Variants in PDE4D observed in about 807,000 individuals in gnomAD.
PDE4D encodes the protein phosphodiesterase 4D.
In PDE4D, 24 loss-of-function variants were observed where a neutral mutation model predicts 87.4. The ratio of observed to expected loss-of-function variants is 0.27; its 90% CI spans 0.20 to 0.39. PDE4D has a LOEUF of 0.39. PDE4D is among the 10% of genes least tolerant of loss of function. The pLI, the probability that PDE4D is intolerant of heterozygous loss-of-function variation, is 1.00. For synonymous variants in PDE4D, 384 were observed against 383.2 expected (o/e 1.00, Z -0.02); for missense variants, 714 against 1,041.0 (o/e 0.69, Z 4.32).
chr5:59,878,611 C>A (rs1288471537), intron 1 of PDE4D, among the ~76,000 whole-genome samples: 2 of 152,004 alleles, frequency 1.3e-5, no homozygotes, highest in Non-Finnish European at 2.9e-5. Flanking sequence ...CCATGCCTGG[C>A]CATGGATTCA....
At chr5:59,026,258 T>C (rs1414686748) in intron 6 of PDE4D, among the ~76,000 whole-genome samples, 1 of 152,202 alleles carries the variant, frequency 6.6e-6, no homozygotes, top group African/African-American at 2.4e-5. Flanking sequence ...TATACTATGA[T>C]AAAATTTCTG....
In PDE4D at chr5:60,061,982, A is replaced by G. The variant is rs138703569; in HGVS notation, c.43-73265T>C. Among the ~76,000 whole-genome samples, 5 of 152,304 alleles carry G rather than the reference A, an allele frequency of 3.3e-5. No individual in the cohort carries two copies. In the East Asian group the frequency reaches 9.7e-4, roughly 29 times the overall value. On this transcript the variant is annotated intron_variant, in intron 2 of 16. Transcript: ENST00000502484. ...AAAACCCTGGAAGAAAACCTAGGCA[A>G]TCCCATTCACGACATAGGCATGGGC...
chr5:60,361,863 T>G (rs1159798349), intron 1 of PDE4D, among the ~76,000 whole-genome samples: 1 of 152,134 alleles, frequency 6.6e-6, no homozygotes, highest in Non-Finnish European at 1.5e-5. Flanking sequence ...CACATCTTAG[T>G]CCACAGTAAT....
At chr5:59,641,285 T>A (rs1001929201) in intron 1 of PDE4D, among the ~76,000 whole-genome samples, 4 of 152,194 alleles carry the variant, frequency 2.6e-5, no homozygotes, top group Admixed American at 6.5e-5. Flanking sequence ...TAAAATAAAC[T>A]GCACATATTT....
At chr5:59,376,509 A>G (rs370823879) in intron 1 of PDE4D, among the ~76,000 whole-genome samples, 2 of 152,196 alleles carry the variant, frequency 1.3e-5, no homozygotes, top group Non-Finnish European at 2.9e-5. Flanking sequence ...GGAGAACTAC[A>G]TAACACTGCT....
chr5:60,144,408 G>A (rs899629584), intron 2 of PDE4D, among the ~76,000 whole-genome samples: 4 of 152,244 alleles, frequency 2.6e-5, no homozygotes, highest in African/African-American at 4.8e-5. Context: ...CATCGATAAA[G>A]AGAAAACTGC....
chr5:60,465,015 G>A lies in PDE4D; in HGVS notation c.-90+22927C>T, dbSNP rs150151300. ...TCCCAGCTATTTGGGAGGCTGAGGC[G>A]GGAGGATTGTTTGAACTCAGGAGTT... On this transcript the variant is annotated intron_variant, in intron 1 of 16. Transcript: ENST00000502484. Among the ~76,000 whole-genome samples, 231 of 151,962 alleles carry A rather than the reference G, an allele frequency of 1.5e-3. 1 individual carries two copies. Among genetic ancestry groups the A allele is most frequent in the African/African-American group, 3.6e-3 (151 of 41,428 alleles).
intron 1 of PDE4D, among the ~76,000 whole-genome samples, chr5:59,291,739 T>TG (rs1554123212): frequency 2.4e-5 from 1 of 42,202 alleles, no homozygotes; most frequent in Non-Finnish European, 4.1e-5. Context: ...TAAAAAGAAG[T>TG]TTTTTTTTTT....
intron 1 of PDE4D, among the ~76,000 whole-genome samples, chr5:59,464,264 A>T (rs1299629666): frequency 6.6e-6 from 1 of 152,168 alleles, no homozygotes; most frequent in Non-Finnish European, 1.5e-5. Flanking sequence ...TGCAGTTGAG[A>T]CAAGAGGAAG....
At chr5:60,431,879 C>T (rs554118830) in intron 1 of PDE4D, among the ~76,000 whole-genome samples, 34 of 152,310 alleles carry the variant, frequency 2.2e-4, no homozygotes, top group African/African-American at 7.7e-4. Flanking sequence ...GAGACCAGCC[C>T]GGCCAACACA....
intron 3 of PDE4D, among the ~76,000 whole-genome samples, chr5:59,976,238 T>C (rs1027801422): frequency 1.3e-5 from 2 of 152,218 alleles, no homozygotes; most frequent in Non-Finnish European, 2.9e-5. Context: ...TTGTAATATG[T>C]GTATAAATAC....
In PDE4D at chr5:58,970,869, A is replaced by G. The variant is rs1309196236; in HGVS notation, c.*3795T>C. ...AAAAAGAAAAAGATTGTTTATAATC[A>G]CTGGGAAAGAATATATTTCCCCAGT... is the stretch of plus-strand genomic sequence containing the variant. On this transcript the variant is annotated 3_prime_UTR_variant, in exon 15 of 15. Coordinates refer to ENST00000340635, the MANE Select transcript of PDE4D (RefSeq NM_001104631.2). 6.6e-6 allele frequency: 1 copy of G among 151,756 alleles called. No individual in the cohort carries two copies. The highest frequency in any genetic ancestry group is 2.4e-5 in the African/African-American group (1 of 41,254). The allele number at this position is 151,756 out of a possible 1,614,324, so 9.4% of individuals were successfully genotyped here. A position where few individuals can be genotyped will look rare whatever the true frequency, so the allele number is the denominator to read the frequency against.
chr5:59,293,167 G>A (rs1768379085), intron 1 of PDE4D, among the ~76,000 whole-genome samples: 1 of 152,146 alleles, frequency 6.6e-6, no homozygotes. Context: ...GCAAGATGAT[G>A]AGTCCAAGGT....
chr5:60,364,158 C>G (rs188871450), intron 1 of PDE4D, among the ~76,000 whole-genome samples: 2 of 152,226 alleles, frequency 1.3e-5, no homozygotes, highest in Admixed American at 6.5e-5. Context: ...GAGTTTGAAA[C>G]AGAGAATACC....
intron 1 of PDE4D, chr5:60,460,395 T>C (rs1178855302): frequency 4.7e-6 from 5 of 1,054,026 alleles, no homozygotes; most frequent in Non-Finnish European, 7.4e-6. Context: ...AATAATGCAG[T>C]GCCTCTTCAT....
intron 2 of PDE4D, among the ~76,000 whole-genome samples, chr5:59,999,973 A>T (rs1405182328): frequency 6.6e-6 from 1 of 151,994 alleles, no homozygotes; most frequent in Non-Finnish European, 1.5e-5. Context: ...TGACTCCATC[A>T]AGCAGAAGAA....
At chr5:59,830,491 A>T (rs2152696826) in intron 1 of PDE4D, among the ~76,000 whole-genome samples, 1 of 152,228 alleles carries the variant, frequency 6.6e-6, no homozygotes, top group Admixed American at 6.5e-5. Flanking sequence ...CAAGAAAGCA[A>T]CGTCTGCCAT....
intron 1 of PDE4D, among the ~76,000 whole-genome samples, chr5:60,388,997 T>C (rs1344155213): frequency 6.6e-6 from 1 of 152,116 alleles, no homozygotes; most frequent in Non-Finnish European, 1.5e-5. Flanking sequence ...AACATTCCTT[T>C]GAGGAAAGAA....
At chr5:59,460,656 C>A (rs184411461) in intron 1 of PDE4D, among the ~76,000 whole-genome samples, 26 of 152,238 alleles carry the variant, frequency 1.7e-4, no homozygotes, top group Non-Finnish European at 3.7e-4. Flanking sequence ...CGGGTGACTG[C>A]CTTTTCCTGG....
Sources: allele counts gnomAD v4.1 joint callset (sites outside exome capture counted in the v4.1 genomes callset), GRCh38; gene constraint gnomAD v4.1.1; transcripts MANE v1.5; gene names NCBI Gene and HGNC (gene_info 2026-07-23, HGNC 2026-07-21).